NEK7: variants seen among roughly 807,000 people sequenced by gnomAD.
NEK7 encodes NIMA related kinase 7.
Under a neutral mutation model 44.6 loss-of-function variants are expected in NEK7, and 18 were observed. That is an observed-to-expected ratio of 0.40 (90% CI 0.28 to 0.60). NEK7 has a LOEUF of 0.60. Ranked by LOEUF, NEK7 falls within the 20% of genes least tolerant of loss-of-function variation. The probability of loss-of-function intolerance (pLI) is 0.38; values close to 1 mark genes in which losing one functional copy is unlikely to be tolerated. For missense variants in NEK7, 256 were observed against 366.5 expected, an observed-to-expected ratio of 0.70 and a Z score of 2.46; for synonymous variants, 130 against 121.1, an observed-to-expected ratio of 1.07 and a Z score of -0.48.
At chr1:198,220,114 C>A (rs1474426509) in intron 1 of NEK7, among the ~76,000 whole-genome samples, 1 of 151,952 alleles carries the variant, frequency 6.6e-6, no homozygotes, top group East Asian at 1.9e-4. Flanking sequence ...CCCCTTTTCA[C>A]TATTTATTAA....
intron 1 of NEK7, among the ~76,000 whole-genome samples, chr1:198,164,413 A>G (rs1664204001): frequency 1.3e-5 from 2 of 152,216 alleles, no homozygotes; most frequent in South Asian, 4.1e-4. Context: ...ATTGTGGTCC[A>G]GGAAACAATG....
chr1:198,303,563 CT>C (rs1382721948), intron 9 of NEK7, among the ~76,000 whole-genome samples: 3 of 151,418 alleles, frequency 2.0e-5, no homozygotes, highest in African/African-American at 7.3e-5. Flanking sequence ...GTTTATAAAA[CT>C]TTTTTATTCA....
At chr1:198,197,201 TAGTC>T (rs1387864970) in intron 1 of NEK7, among the ~76,000 whole-genome samples, 2 of 152,204 alleles carry the variant, frequency 1.3e-5, no homozygotes, top group African/African-American at 2.4e-5. Flanking sequence ...TTTGTTTTAT[TAGTC>T]ATTTACTGTA....
At chr1:198,268,477 C>T (rs1417749050) in intron 5 of NEK7, among the ~76,000 whole-genome samples, 1 of 152,014 alleles carries the variant, frequency 6.6e-6, no homozygotes, top group East Asian at 1.9e-4. Context: ...AATTTCTCCA[C>T]CCAGCTCCCT....
intron 9 of NEK7, among the ~76,000 whole-genome samples, chr1:198,309,046 G>C (rs943280081): frequency 6.6e-6 from 1 of 152,150 alleles, no homozygotes; most frequent in African/African-American, 2.4e-5. Context: ...ATTTAATGAA[G>C]TACAATAAAG....
At chr1:198,176,039 T>C (rs1664595328) in intron 1 of NEK7, among the ~76,000 whole-genome samples, 1 of 152,222 alleles carries the variant, frequency 6.6e-6, no homozygotes, top group South Asian at 2.1e-4. Context: ...GGATATGTTG[T>C]CTTTAATCGA....
chr1:198,252,974 T>C, intron 2 of NEK7, 66 bp from the exon 3 acceptor site: 1 of 1,305,322 alleles, frequency 7.7e-7, no homozygotes, highest in African/African-American at 1.5e-5. Context: ...ATGAAAATGA[T>C]CAGTGATTGT....
At chr1:198,288,512 T>C (rs552054618) in intron 7 of NEK7, among the ~76,000 whole-genome samples, 1 of 152,216 alleles carries the variant, frequency 6.6e-6, no homozygotes, top group Non-Finnish European at 1.5e-5. Context: ...TCAGTTATAA[T>C]GAAATAACCA....
chr1:198,219,508 A>G (rs1034262346), intron 1 of NEK7, among the ~76,000 whole-genome samples: 7 of 151,740 alleles, frequency 4.6e-5, no homozygotes, highest in Non-Finnish European at 1.0e-4. Flanking sequence ...AACTATGGGT[A>G]CATAAAGGCA....
intron 5 of NEK7, among the ~76,000 whole-genome samples, chr1:198,275,498 ATTTT>A (rs71674737): frequency 2.1e-5 from 3 of 144,764 alleles, no homozygotes; most frequent in Non-Finnish European, 4.6e-5. Flanking sequence ...TTGGCATTAG[ATTTT>A]TTTTTTTTTA....
At position 198,189,185 on chromosome 1, in the gene NEK7, T is replaced by C. The variant is rs566612170; in HGVS notation, c.-29+31909T>C. On this transcript the variant is annotated intron_variant, in intron 1 of 9. Transcript: ENST00000367385. ...ATATAAGTCTGAATTAAGATTTTAC[T>C]GGTATTAGTGTCATATAGGAAAAGA... is the stretch of plus-strand genomic sequence containing the variant. Among the ~76,000 whole-genome samples, 14 of 152,284 alleles carry C rather than the reference T, an allele frequency of 9.2e-5. No homozygotes were observed. The South Asian group carries it at 2.9e-3, about 32-fold the overall frequency.
At chr1:198,262,676 G>T (rs1653516768) in intron 4 of NEK7, 39 bp downstream of exon 4, 4 of 1,183,706 alleles carry the variant, frequency 3.4e-6, no homozygotes, top group Admixed American at 2.2e-5. Context: ...ACATAACATG[G>T]TGATAAAAGT....
intron 5 of NEK7, among the ~76,000 whole-genome samples, chr1:198,274,465 A>G (rs1653956018): frequency 1.3e-5 from 2 of 151,616 alleles, no homozygotes; most frequent in South Asian, 4.1e-4. Flanking sequence ...AGTTCCAGAT[A>G]TTTTGCCTGA....
intron 1 of NEK7, among the ~76,000 whole-genome samples, chr1:198,223,176 A>C (rs949917129): frequency 5.9e-5 from 9 of 152,198 alleles, no homozygotes; most frequent in Non-Finnish European, 1.2e-4. Context: ...AGAGCGTTAT[A>C]ATTTGATTTA....
Position 198,220,502 on chromosome 1 carries a change from C to T in NEK7, c.-28-12051C>T, listed in dbSNP as rs546284032. Among the ~76,000 whole-genome samples the T allele has an allele frequency of 2.8e-4, 42 of 152,174 alleles. No individual in the cohort carries two copies. In the South Asian group the frequency reaches 8.5e-3, roughly 31 times the overall value. On this transcript the variant is annotated intron_variant, in intron 1 of 9. Coordinates refer to ENST00000367385, the MANE Select transcript of NEK7 (RefSeq NM_133494.3). Reference sequence around the variant, plus strand: ...AGATCTGATAGTTATCCTAGTAGTTCTTAAAAACTCATTCATCATAACACA... The same window carrying T: ...AGATCTGATAGTTATCCTAGTAGTTTTTAAAAACTCATTCATCATAACACA...
At chr1:198,172,068 G>A (rs1223345486) in intron 1 of NEK7, among the ~76,000 whole-genome samples, 3 of 152,164 alleles carry the variant, frequency 2.0e-5, no homozygotes, top group Non-Finnish European at 4.4e-5. Context: ...ATTCCCAGCA[G>A]CTCTGTGGTA....
chr1:198,259,813 A>T (rs949627789), intron 3 of NEK7, among the ~76,000 whole-genome samples: 5 of 151,590 alleles, frequency 3.3e-5, no homozygotes, highest in African/African-American at 1.2e-4. Flanking sequence ...ACACACACTC[A>T]CACACACACA....
chr1:198,227,264 A>G (rs995003201), intron 1 of NEK7, among the ~76,000 whole-genome samples: 8 of 152,144 alleles, frequency 5.3e-5, no homozygotes, highest in Non-Finnish European at 8.8e-5. Context: ...AATCCAGTCT[A>G]TCATTGTTGG....
chr1:198,167,231 C>T lies in NEK7; in HGVS notation c.-29+9955C>T, dbSNP rs539198058. Among the ~76,000 whole-genome samples the T allele has an allele frequency of 3.9e-5, 6 of 152,340 alleles. 1 individual carries two copies. The highest frequency in any genetic ancestry group is 2.0e-4 in the Admixed American group (3 of 15,302). The stretch of plus-strand genomic sequence containing the variant: ...ATGTGTTTTCGCTTGTGTCTCTTCT[C>T]ATAAGGACATCCTCATGACCTCACC... On this transcript the variant is annotated intron_variant, in intron 1 of 9. Coordinates refer to ENST00000367385, the MANE Select transcript of NEK7 (RefSeq NM_133494.3).
Sources: gnomAD v4.1 joint callset for allele counts (sites outside exome capture counted in the v4.1 genomes callset) on GRCh38, gnomAD v4.1.1 for gene constraint, MANE v1.5 for transcripts, NCBI Gene and HGNC (gene_info 2026-07-23, HGNC 2026-07-21) for gene names.